Variants in ICOS observed in about 807,000 individuals in gnomAD.
The protein encoded by ICOS is inducible T cell costimulator, also known as inducible T-cell costimulator.
Under a neutral mutation model 24.6 loss-of-function variants are expected in ICOS, and 15 were observed. That is an observed-to-expected ratio of 0.61 (90% CI 0.41 to 0.94). The LOEUF (loss-of-function observed/expected upper bound fraction) is 0.94, where lower values mean the gene tolerates loss of function less well. Ranked by LOEUF, ICOS falls within the 40% of genes least tolerant of loss-of-function variation. The probability of loss-of-function intolerance (pLI) is 0.00; values close to 1 mark genes in which losing one functional copy is unlikely to be tolerated. For synonymous variants in ICOS, 89 were observed against 77.5 expected (o/e 1.15, Z -0.78); for missense variants, 200 against 233.0 (o/e 0.86, Z 0.92).
chr2:203,952,087 T>C (rs767178462), intron 1 of ICOS, among the ~76,000 whole-genome samples: 4 of 152,208 alleles, frequency 2.6e-5, no homozygotes, highest in African/African-American at 7.2e-5. Context: ...TAATGAATAA[T>C]GCTAAAGCAT....
At chr2:203,945,266 G>A (rs1478642473) in intron 1 of ICOS, among the ~76,000 whole-genome samples, 1 of 152,108 alleles carries the variant, frequency 6.6e-6, no homozygotes, top group Non-Finnish European at 1.5e-5. Context: ...GATTGGCAAT[G>A]GGAATGGAGA....
intron 1 of ICOS, among the ~76,000 whole-genome samples, chr2:203,946,304 G>A (rs1356367690): frequency 6.6e-6 from 1 of 151,846 alleles, no homozygotes; most frequent in Non-Finnish European, 1.5e-5. Context: ...CCAAAGGGTT[G>A]TTTTGTACCC....
intron 1 of ICOS, among the ~76,000 whole-genome samples, chr2:203,953,732 A>G (rs1690024995): frequency 6.6e-6 from 1 of 152,226 alleles, no homozygotes; most frequent in African/African-American, 2.4e-5. Context: ...ATAAAAGCAA[A>G]ATGCTGAAAA....
At chr2:203,947,997 G>A (rs1689903358) in intron 1 of ICOS, among the ~76,000 whole-genome samples, 1 of 152,174 alleles carries the variant, frequency 6.6e-6, no homozygotes, top group Admixed American at 6.5e-5. Flanking sequence ...TGTAATGGCT[G>A]CGCTTTGGGA....
rs537316320 is a variant in ICOS at position 203,949,138 on chromosome 2, C to T, written c.59-6498C>T. On this transcript the variant is annotated intron_variant, in intron 1 of 4. Transcript: ENST00000316386. The stretch of plus-strand genomic sequence containing the variant: ...AGTAAAAGCAGAAGCTCTTGTAGTC[C>T]CAGAGAGAGATGACAATGGTTTGGA... Among the ~76,000 whole-genome samples, 3 of 152,040 alleles carry T rather than the reference C, an allele frequency of 2.0e-5. No homozygotes were observed. In the South Asian group the frequency reaches 6.2e-4, roughly 32 times the overall value.
chr2:203,953,998 A>T (rs1278503865), intron 1 of ICOS, among the ~76,000 whole-genome samples: 5 of 152,164 alleles, frequency 3.3e-5, no homozygotes, highest in Admixed American at 2.6e-4. Flanking sequence ...TTTCCTTAAA[A>T]TTTTTTTACA....
intron 3 of ICOS, among the ~76,000 whole-genome samples, chr2:203,957,569 T>G (rs888204938): frequency 1.3e-5 from 2 of 152,190 alleles, no homozygotes; most frequent in African/African-American, 4.8e-5. Context: ...GGTCTAAGTC[T>G]GCTGGGAAAG....
chr2:203,948,656 T>A (rs573700053), intron 1 of ICOS, among the ~76,000 whole-genome samples: 1 of 152,120 alleles, frequency 6.6e-6, no homozygotes, highest in Non-Finnish European at 1.5e-5. Flanking sequence ...AAGAAAACAA[T>A]CAGATAAACC....
intron 1 of ICOS, among the ~76,000 whole-genome samples, chr2:203,946,008 G>A (rs190127179): frequency 1.6e-4 from 24 of 152,234 alleles, no homozygotes; most frequent in Admixed American, 6.5e-4. Flanking sequence ...CTGAGCAATG[G>A]CAAGCAATGT....
chr2:203,942,492 G>A (rs1213006802), intron 1 of ICOS, among the ~76,000 whole-genome samples: 1 of 152,204 alleles, frequency 6.6e-6, no homozygotes, highest in Non-Finnish European at 1.5e-5. Flanking sequence ...GATGGCTGAT[G>A]AATGAAAATG....
Position 203,959,680 on chromosome 2 carries a change from A to T in ICOS, c.*81A>T. On this transcript the variant is annotated 3_prime_UTR_variant, in exon 5 of 5. Transcript: ENST00000316386. ...AGTGCAAGATTCTCTTATTTCCGGG[A>T]CCACGGAGAGTCTGACTTAACTACA... 3.0e-6 allele frequency: 4 copies of T among 1,311,546 alleles called. No individual in the cohort carries two copies. The highest frequency in any genetic ancestry group is 4.4e-6 in the Non-Finnish European group (4 of 905,636). 81.2% of individuals were successfully genotyped at this position (1,311,546 alleles called of 1,614,324 possible). A position where few individuals can be genotyped will look rare whatever the true frequency, so the allele number is the denominator to read the frequency against.
At chr2:203,946,265 C>T (rs917411606) in intron 1 of ICOS, among the ~76,000 whole-genome samples, 2 of 152,108 alleles carry the variant, frequency 1.3e-5, no homozygotes, top group Admixed American at 1.3e-4. Context: ...ATCAATCTTT[C>T]ATTTTTCTTA....
At chr2:203,947,220 A>G (rs1007199792) in intron 1 of ICOS, among the ~76,000 whole-genome samples, 2 of 152,218 alleles carry the variant, frequency 1.3e-5, no homozygotes, top group Admixed American at 1.3e-4. Flanking sequence ...TAAATTTTGA[A>G]AACCTAAAGA....
At chr2:203,952,532 G>A (rs1255387109) in intron 1 of ICOS, among the ~76,000 whole-genome samples, 1 of 152,138 alleles carries the variant, frequency 6.6e-6, no homozygotes, top group Non-Finnish European at 1.5e-5. Flanking sequence ...TAAAAAATAT[G>A]CTTGTGAATT....
chr2:203,938,977 G>T (rs2105742973), intron 1 of ICOS, among the ~76,000 whole-genome samples: 1 of 152,250 alleles, frequency 6.6e-6, no homozygotes, highest in South Asian at 2.1e-4. Context: ...CCATGTAAAA[G>T]CTCTAAAGAA....
intron 1 of ICOS, among the ~76,000 whole-genome samples, chr2:203,937,549 A>T (rs1004400061): frequency 6.6e-6 from 1 of 152,228 alleles, no homozygotes; most frequent in Non-Finnish European, 1.5e-5. Context: ...GTAAGTTAAT[A>T]CACGTGTTTC....
chr2:203,958,634 G>C (rs1690118627), intron 4 of ICOS, among the ~76,000 whole-genome samples: 1 of 152,080 alleles, frequency 6.6e-6, no homozygotes, highest in Admixed American at 6.6e-5. Context: ...TTATCTAAAG[G>C]GGACACACAT....
At position 203,959,793 on chromosome 2, in the gene ICOS, G is replaced by A. The variant is rs1039421720; in HGVS notation, c.*194G>A. 2.1e-5 allele frequency: 14 copies of A among 658,998 alleles called. No homozygotes were observed. Among genetic ancestry groups the A allele is most frequent in the South Asian group, 5.1e-5 (3 of 58,886 alleles). The allele number at this position is 658,998 out of a possible 1,614,324, so 40.8% of individuals were successfully genotyped here. On this transcript the variant is annotated 3_prime_UTR_variant, in exon 5 of 5. Transcript: ENST00000316386. ...TAACAGACTGCCTTGGTACTGCCGA[G>A]TCCTCTCAAAACAAACACCCTCTTG...
chr2:203,959,440 C>T, intron 4 of ICOS, 146 bp from the exon 5 acceptor site: 5 of 740,270 alleles, frequency 6.8e-6, no homozygotes, highest in South Asian at 5.9e-5. Flanking sequence ...GATGAGTTTG[C>T]ATGGTGTGTG....
Sources: allele counts gnomAD v4.1 joint callset (sites outside exome capture counted in the v4.1 genomes callset), GRCh38; gene constraint gnomAD v4.1.1; transcripts MANE v1.5; gene names NCBI Gene and HGNC (gene_info 2026-07-23, HGNC 2026-07-21).